The following NCAM1 variants were observed in gnomAD, a reference collection of about 807,000 sequenced individuals.
NCAM1 encodes the protein neural cell adhesion molecule 1.
In NCAM1, 14 loss-of-function variants were observed where a neutral mutation model predicts 109.8. That is an observed-to-expected ratio of 0.13 (90% CI 0.08 to 0.20). The LOEUF is 0.20. NCAM1 is among the 10% of genes least tolerant of loss of function. NCAM1 has a pLI of 1.00. For missense variants in NCAM1, 774 were observed against 1,109.9 expected (o/e 0.70, Z 4.30); for synonymous variants, 418 against 442.9 (o/e 0.94, Z 0.70).
intron 1 of NCAM1, among the ~76,000 whole-genome samples, chr11:113,050,039 A>G (rs1458540535): frequency 5.1e-5 from 7 of 136,884 alleles, no homozygotes; most frequent in Admixed American, 1.6e-4. Context: ...CGTGGCTGGT[A>G]TGGCTGTCTC....
intron 9 of NCAM1, among the ~76,000 whole-genome samples, chr11:113,223,980 C>A (rs1273327121): frequency 6.6e-6 from 1 of 152,202 alleles, no homozygotes; most frequent in Non-Finnish European, 1.5e-5. Flanking sequence ...ATAAGAACAG[C>A]TCCAGTCCAC....
At chr11:113,261,545 G>A (rs371523505) in intron 17 of NCAM1, among the ~76,000 whole-genome samples, 5 of 152,136 alleles carry the variant, frequency 3.3e-5, no homozygotes, top group Admixed American at 6.5e-5. Context: ...TCAGATGGTC[G>A]GTGCAGAAGG....
At chr11:113,112,549 T>G (rs1165665177) in intron 1 of NCAM1, among the ~76,000 whole-genome samples, 1 of 152,144 alleles carries the variant, frequency 6.6e-6, no homozygotes, top group Non-Finnish European at 1.5e-5. Context: ...CCATTCCCAT[T>G]GCATGCTTGA....
intron 15 of NCAM1, among the ~76,000 whole-genome samples, chr11:113,250,650 A>G (rs1945649597): frequency 6.6e-6 from 1 of 152,238 alleles, no homozygotes; most frequent in South Asian, 2.1e-4. Flanking sequence ...TTAAAACTAG[A>G]CAGTCTTATT....
At chr11:113,001,141 A>G (rs950838153) in intron 1 of NCAM1, among the ~76,000 whole-genome samples, 1 of 152,146 alleles carries the variant, frequency 6.6e-6, no homozygotes, top group Non-Finnish European at 1.5e-5. Flanking sequence ...TTGGTATAGC[A>G]GGGTGATGAG....
chr11:113,080,691 C>T (rs1555087011), intron 1 of NCAM1, among the ~76,000 whole-genome samples: 1 of 152,220 alleles, frequency 6.6e-6, no homozygotes, highest in South Asian at 2.1e-4. Flanking sequence ...AGAAAAGGGA[C>T]ATGGCTGTGA....
intron 1 of NCAM1, among the ~76,000 whole-genome samples, chr11:113,122,198 G>C (rs1441130061): frequency 6.6e-6 from 1 of 152,192 alleles, no homozygotes; most frequent in African/African-American, 2.4e-5. Context: ...TTTTGTGAGA[G>C]CAAAACTTTC....
intron 1 of NCAM1, among the ~76,000 whole-genome samples, chr11:113,048,883 A>G (rs1212007884): frequency 6.6e-6 from 1 of 151,960 alleles, no homozygotes. Flanking sequence ...GCTGCTTGGT[A>G]CTCTGCTTGG....
intron 1 of NCAM1, among the ~76,000 whole-genome samples, chr11:113,076,325 C>A (rs1034883638): frequency 6.6e-6 from 1 of 152,190 alleles, no homozygotes; most frequent in Non-Finnish European, 1.5e-5. Context: ...TTTGTCCATC[C>A]CTTTCTGGGT....
At chr11:113,218,378 G>C (rs1944589996) in intron 8 of NCAM1, among the ~76,000 whole-genome samples, 1 of 152,092 alleles carries the variant, frequency 6.6e-6, no homozygotes, top group Admixed American at 6.5e-5. Context: ...TTTAGTGGAA[G>C]GTTCAATGAT....
chr11:113,133,228 T>C (rs1555098729), intron 1 of NCAM1: 1 of 152,202 alleles, frequency 6.6e-6, no homozygotes, highest in African/African-American at 2.4e-5. Flanking sequence ...GAAGTGTCCT[T>C]ATGAAGTGTG....
chr11:113,198,799 T>A lies in NCAM1; in HGVS notation c.53-3580T>A, dbSNP rs192066423. ...GAAGAGTTCAAGCCTTAGAAGTAGATGATTTTTAATCTTGGTTTTAGTGCT... is the reference window on the plus strand; with the variant it reads ...GAAGAGTTCAAGCCTTAGAAGTAGAAGATTTTTAATCTTGGTTTTAGTGCT... On this transcript the variant is annotated intron_variant, in intron 1 of 19. Transcript: ENST00000316851. Among the ~76,000 whole-genome samples, 10 of 152,332 alleles carry A rather than the reference T, an allele frequency of 6.6e-5. No individual in the cohort carries two copies. In the East Asian group the frequency reaches 1.9e-3, roughly 29 times the overall value.
At chr11:112,970,133 A>T (rs1318340616) in intron 1 of NCAM1, among the ~76,000 whole-genome samples, 1 of 152,168 alleles carries the variant, frequency 6.6e-6, no homozygotes, top group Non-Finnish European at 1.5e-5. Flanking sequence ...GGCAAGCCAT[A>T]TTTAAATCTT....
At chr11:113,038,723 G>T (rs1289046119) in intron 1 of NCAM1, among the ~76,000 whole-genome samples, 2 of 152,206 alleles carry the variant, frequency 1.3e-5, no homozygotes, top group Non-Finnish European at 2.9e-5. Context: ...GGGCTCCACT[G>T]AGTTAAAATT....
intron 1 of NCAM1, among the ~76,000 whole-genome samples, chr11:113,188,834 A>AGT (rs144748025): frequency 0.02 from 2,968 of 150,588 alleles, 66 homozygotes; most frequent in East Asian, 0.07. Flanking sequence ...TGTGAGTGTG[A>AGT]GTGTGTGTGT....
chr11:113,269,318 C>T (rs1450725677), intron 17 of NCAM1, among the ~76,000 whole-genome samples: 5 of 152,206 alleles, frequency 3.3e-5, no homozygotes, highest in Admixed American at 3.3e-4. Flanking sequence ...GAGTCTTTCA[C>T]AGTGAGTCCA....
At chr11:113,010,030 G>GA (rs5794836) in intron 1 of NCAM1, among the ~76,000 whole-genome samples, 456 of 146,124 alleles carry the variant, frequency 3.1e-3, no homozygotes, top group African/African-American at 5.6e-3. Flanking sequence ...GCTGCATCTT[G>GA]AAAAAAAAAA....
intron 1 of NCAM1, chr11:113,133,148 G>T (rs1941468329): frequency 6.6e-6 from 1 of 152,212 alleles, no homozygotes; most frequent in South Asian, 2.1e-4. Context: ...AAGTCCTTGG[G>T]TAGATGCTAA....
At chr11:113,018,260 G>T (rs534547637) in intron 1 of NCAM1, among the ~76,000 whole-genome samples, 42 of 150,300 alleles carry the variant, frequency 2.8e-4, no homozygotes, top group African/African-American at 1.0e-3. Flanking sequence ...TGTTGGGTAT[G>T]TTCACTTTAT....
Sources: allele counts gnomAD v4.1 joint callset (sites outside exome capture counted in the v4.1 genomes callset), GRCh38; gene constraint gnomAD v4.1.1; transcripts MANE v1.5; gene names NCBI Gene and HGNC (gene_info 2026-07-23, HGNC 2026-07-21).